TMPRSS6: variants seen among roughly 807,000 people sequenced by gnomAD.
TMPRSS6 encodes the protein transmembrane protease serine 6.
Under a neutral mutation model 101.5 loss-of-function variants are expected in TMPRSS6, and 67 were observed. The observed-to-expected ratio is 0.66, with a 90% CI of 0.54 to 0.81. The LOEUF is 0.81. TMPRSS6 is among the 30% of genes least tolerant of loss of function. The pLI is 0.00. For synonymous variants in TMPRSS6, 453 were observed against 464.9 expected, an observed-to-expected ratio of 0.97 and a Z score of 0.33; for missense variants, 1,034 against 1,088.7, an observed-to-expected ratio of 0.95 and a Z score of 0.71.
Position 37,086,401 on chromosome 22 carries a change from G to A in TMPRSS6, c.855C>T (p.Arg285=), listed in dbSNP as rs1341399341. 3 of 1,595,218 alleles carry A rather than the reference G, an allele frequency of 1.9e-6. No individual in the cohort carries two copies. The highest frequency in any genetic ancestry group is 2.7e-5 in the African/African-American group (2 of 74,368). ...CCAGAACCTCCACCACGGGCTCCTGGCGGCTGCAGCCGTACACCCTGGCAG... is the reference window on the plus strand; with the variant it reads ...CCAGAACCTCCACCACGGGCTCCTGACGGCTGCAGCCGTACACCCTGGCAG... ...RLITSVYGCS[R]QEPVVEVLAS... The change falls in exon 8 of 18, where the codon CGC becomes CGT. Residue 285 remains arginine (R), a synonymous_variant. Coordinates refer to ENST00000676104, the MANE Select transcript of TMPRSS6 (RefSeq NM_001374504.1).
intron 11 of TMPRSS6, 80 bp downstream of exon 11, chr22:37,075,055 C>T: frequency 3.1e-6 from 5 of 1,607,728 alleles, no homozygotes; most frequent in Non-Finnish European, 4.3e-6. Flanking sequence ...AGCAGCTGCC[C>T]ACAGCCCCCT....
In TMPRSS6 at chr22:37,066,861, C is replaced by T. The variant is rs1300365996; in HGVS notation, c.2215G>A (p.Ala739Thr). The change falls in exon 17 of 18, where the codon GCC becomes ACC. Residue 739 changes from alanine (A) to threonine (T), a missense_variant. Coordinates refer to ENST00000676104, the MANE Select transcript of TMPRSS6 (RefSeq NM_001374504.1). ...TCCTTCTTGCCCTTGCGGTAGCCGGCACACAGCATGCGTGGCGTCACCTGG... is the reference window on the plus strand; with the variant it reads ...TCCTTCTTGCCCTTGCGGTAGCCGGTACACAGCATGCGTGGCGTCACCTGG... ...RYQVTPRMLC[A>T]GYRKGKKDAC... 2.5e-6 allele frequency: 4 copies of T among 1,614,186 alleles called. No homozygotes were observed. The Admixed American group carries it at 5.0e-5, about 20-fold the overall frequency.
intron 7 of TMPRSS6, among the ~76,000 whole-genome samples, chr22:37,088,880 C>T (rs996848715): frequency 3.9e-5 from 6 of 152,194 alleles, no homozygotes; most frequent in Non-Finnish European, 8.8e-5. Flanking sequence ...TCCAATGATC[C>T]GGCAAGGTAA....
chr22:37,070,527 C>T lies in TMPRSS6; in HGVS notation c.1798G>A (p.Asp600Asn), dbSNP rs1204103868. The T allele has an allele frequency of 6.2e-7, 1 of 1,613,334 alleles. No individual in the cohort carries two copies. The highest frequency in any genetic ancestry group is 8.5e-7 in the Non-Finnish European group (1 of 1,180,030). ...RHICGGALIADRWVITAAHCF... is the reference protein window; with the variant it reads ...RHICGGALIANRWVITAAHCF... Reference sequence around the variant, plus strand: ...TGGGCAGCTGTTATCACCCAGCGGTCAGCGATGAGGGCCCCCCCACAGATG... The same window carrying T: ...TGGGCAGCTGTTATCACCCAGCGGTTAGCGATGAGGGCCCCCCCACAGATG... The change falls in exon 15 of 18, where the codon GAC (aspartate) becomes AAC (asparagine). Residue 600 changes from aspartate to asparagine, a missense_variant. Coordinates refer to ENST00000676104, the MANE Select transcript of TMPRSS6 (RefSeq NM_001374504.1).
At chr22:37,105,371 C>T (rs561344285) in intron 1 of TMPRSS6, among the ~76,000 whole-genome samples, 12 of 152,334 alleles carry the variant, frequency 7.9e-5, no homozygotes, top group South Asian at 2.1e-4. Context: ...CGTCCGGCAA[C>T]GGGTGGGACA....
At chr22:37,090,077 G>GGAAA (rs1343548549) in intron 6 of TMPRSS6, among the ~76,000 whole-genome samples, 1 of 152,244 alleles carries the variant, frequency 6.6e-6, no homozygotes, top group Non-Finnish European at 1.5e-5. Flanking sequence ...ATGACAGCGG[G>GGAAA]GACAGACAGA....
intron 10 of TMPRSS6, among the ~76,000 whole-genome samples, chr22:37,083,609 G>A (rs1194673551): frequency 6.6e-6 from 1 of 152,242 alleles, no homozygotes; most frequent in Non-Finnish European, 1.5e-5. Flanking sequence ...TGGCTTCCTG[G>A]TGGCCAGGCC....
chr22:37,084,661 G>C (rs540781770), intron 9 of TMPRSS6, 66 bp downstream of exon 9: 7 of 1,366,676 alleles, frequency 5.1e-6, no homozygotes, highest in Admixed American at 4.0e-5. Context: ...CTCTCATCCC[G>C]GGTCACCAGG....
In TMPRSS6 at chr22:37,069,258, C is replaced by G. The variant is rs1926653663; in HGVS notation, c.1928G>C (p.Ser643Thr). ...RWPGEVSFKV[S>T]RLLLHPYHEE... ...GTGGTACGGGTGCAGGAGCAGGCGG[C>G]TCACCTTGAAGGACACCTCTCCAGG... The change falls in exon 16 of 18, where the codon AGC (serine) becomes ACC (threonine). Residue 643 changes from serine to threonine, a missense_variant. Coordinates refer to ENST00000676104, the MANE Select transcript of TMPRSS6 (RefSeq NM_001374504.1). The surrounding 1 kb of genome is among the most constrained non-coding windows in gnomAD (Gnocchi z 4.8). 9.4e-6 allele frequency: 15 copies of G among 1,603,524 alleles called. No homozygotes were observed. In the East Asian group the frequency reaches 3.4e-4, roughly 36 times the overall value.
rs556557977 is a variant in TMPRSS6 at position 37,101,853 on chromosome 22, G to A, written c.202+1363C>T. Among the ~76,000 whole-genome samples, 4 of 152,294 alleles carry A rather than the reference G, an allele frequency of 2.6e-5. No individual in the cohort carries two copies. The highest frequency in any genetic ancestry group is 4.1e-4 in the South Asian group (2 of 4,826). ...GTTTACCCTGTAGACTAATTAGCCC[G>A]CTACCTGAGGAGGCCCCCACAGCCC... is the stretch of plus-strand genomic sequence containing the variant. On this transcript the variant is annotated intron_variant, in intron 2 of 17. Transcript: ENST00000676104. The surrounding 1 kb of genome is among the most constrained non-coding windows in gnomAD (Gnocchi z 4.1).
intron 7 of TMPRSS6, among the ~76,000 whole-genome samples, chr22:37,088,753 C>A (rs1446902206): frequency 6.6e-6 from 1 of 152,226 alleles, no homozygotes; most frequent in Non-Finnish European, 1.5e-5. Flanking sequence ...CACTCAATGC[C>A]TTTTGCGGCC....
At chr22:37,105,534 TCTGACTGAGGTGG>T (rs1259239650) in intron 1 of TMPRSS6, among the ~76,000 whole-genome samples, 2 of 152,190 alleles carry the variant, frequency 1.3e-5, no homozygotes, top group African/African-American at 4.8e-5. Flanking sequence ...GCTGGCCACC[TCTGACTGAGGTGG>T]CTGTCCTCAA....
At chr22:37,082,624 C>A in intron 10 of TMPRSS6, 1 of 222,176 alleles carries the variant, frequency 4.5e-6, no homozygotes, top group Non-Finnish European at 9.0e-6. Context: ...CAGAGGTGCC[C>A]CCATCATGCT....
At chr22:37,074,821 G>A (rs1569001785) in intron 11 of TMPRSS6, 113 bp from the exon 12 acceptor site, 13 of 1,131,790 alleles carry the variant, frequency 1.1e-5, no homozygotes, top group Admixed American at 2.0e-5. Flanking sequence ...GCATGGACAG[G>A]CACCCACAGA....
At chr22:37,084,114 G>A in intron 10 of TMPRSS6, 181 bp downstream of exon 10, 2 of 643,498 alleles carry the variant, frequency 3.1e-6, no homozygotes, top group Non-Finnish European at 5.7e-6. Context: ...CAGGGCGGAG[G>A]CTGGGACGAG....
chr22:37,066,477 C>G (rs1003595872), intron 17 of TMPRSS6, among the ~76,000 whole-genome samples: 1 of 152,260 alleles, frequency 6.6e-6, no homozygotes, highest in Non-Finnish European at 1.5e-5. Context: ...CGCCCCCACT[C>G]TGCCTCCGCC....
chr22:37,095,334 C>A (rs954222561), intron 6 of TMPRSS6, among the ~76,000 whole-genome samples: 4 of 152,112 alleles, frequency 2.6e-5, no homozygotes, highest in African/African-American at 9.7e-5. Flanking sequence ...AAGACACACA[C>A]AAATACACGC....
rs1910366257 is a variant in TMPRSS6 at position 37,103,298 on chromosome 22, G to A, written c.120C>T (p.Gly40=). ...ACEDSKRKAR[G]YLRLVPLFVL... ...CAAACAGGGGCACCAGGCGGAGGTA[G>A]CCCCGGGCTTTTCTCTTGGAGTCCT... Residue 40 remains glycine, a synonymous_variant, in exon 2 of 18, where the codon GGC becomes GGT. Transcript: ENST00000676104. The surrounding 1 kb of genome is among the most constrained non-coding windows in gnomAD (Gnocchi z 4.4). The A allele has an allele frequency of 3.1e-6, 5 of 1,614,052 alleles. No homozygotes were observed. In the South Asian group the frequency reaches 3.3e-5, roughly 11 times the overall value.
chr22:37,083,991 T>G, intron 10 of TMPRSS6: 1 of 548,120 alleles, frequency 1.8e-6, no homozygotes, highest in East Asian at 2.8e-5. Context: ...CCAGAGGGGG[T>G]TACAGCACCC....
Sources: allele counts gnomAD v4.1 joint callset (sites outside exome capture counted in the v4.1 genomes callset), GRCh38; gene constraint gnomAD v4.1.1; non-coding constraint Gnocchi (gnomAD v3.1); transcripts MANE v1.5; gene names NCBI Gene and HGNC (gene_info 2026-07-23, HGNC 2026-07-21).